Variants in OXCT1 observed in about 807,000 individuals in gnomAD.
OXCT1 encodes the protein 3-oxoacid CoA-transferase 1, also known as succinyl-CoA:3-ketoacid coenzyme A transferase 1, mitochondrial.
Under a neutral mutation model 69.6 loss-of-function variants are expected in OXCT1, and 27 were observed. The observed-to-expected ratio is 0.39, with a 90% CI of 0.29 to 0.54. The LOEUF (loss-of-function observed/expected upper bound fraction) is 0.54, where lower values mean the gene tolerates loss of function less well. OXCT1 is among the 20% of genes least tolerant of loss of function. The pLI, the probability that OXCT1 is intolerant of heterozygous loss-of-function variation, is 0.72. For missense variants in OXCT1, 437 were observed against 650.2 expected (o/e 0.67, Z 3.57); for synonymous variants, 202 against 217.8 (o/e 0.93, Z 0.64).
At chr5:41,799,447 A>G (rs1313401057) in intron 11 of OXCT1, among the ~76,000 whole-genome samples, 1 of 152,226 alleles carries the variant, frequency 6.6e-6, no homozygotes, top group African/African-American at 2.4e-5. Flanking sequence ...GTGGCACTTC[A>G]AGTGTTGAAG....
chr5:41,812,771 T>G (rs1747047662), intron 7 of OXCT1, among the ~76,000 whole-genome samples: 1 of 151,938 alleles, frequency 6.6e-6, no homozygotes, highest in Non-Finnish European at 1.5e-5. Context: ...TATGAAGAAA[T>G]TCAATTCCAA....
At chr5:41,847,151 C>G (rs936412624) in intron 5 of OXCT1, among the ~76,000 whole-genome samples, 24 of 151,942 alleles carry the variant, frequency 1.6e-4, no homozygotes, top group East Asian at 1.4e-3. Flanking sequence ...ACTACAAACA[C>G]CTCTACGCAA....
chr5:41,758,124 A>G (rs1363105718), intron 14 of OXCT1, among the ~76,000 whole-genome samples: 1 of 152,036 alleles, frequency 6.6e-6, no homozygotes, highest in Non-Finnish European at 1.5e-5. Context: ...GGAGCAGACT[A>G]CAAGAGTCAC....
chr5:41,859,861 A>AGTTATATATATATATATATATATATAT (rs1749632696), intron 3 of OXCT1, among the ~76,000 whole-genome samples: 2 of 96,764 alleles, frequency 2.1e-5, no homozygotes, highest in African/African-American at 7.7e-5. Context: ...TGACTAGTAT[A>AGTTATATATATATATATATATATATAT]GTAATATATA....
intron 13 of OXCT1, among the ~76,000 whole-genome samples, chr5:41,778,741 A>G (rs1745248368): frequency 6.6e-6 from 1 of 152,228 alleles, no homozygotes; most frequent in Admixed American, 6.5e-5. Context: ...TCAATGTATC[A>G]TTTCTGCAAG....
At chr5:41,856,181 C>G (rs1436683879) in intron 3 of OXCT1, among the ~76,000 whole-genome samples, 2 of 152,146 alleles carry the variant, frequency 1.3e-5, no homozygotes, top group South Asian at 4.2e-4. Flanking sequence ...TGAAGAGGCT[C>G]GAAGTAGTCC....
At chr5:41,805,731 T>C in intron 8 of OXCT1, 50 bp from the exon 9 acceptor site, 1 of 1,180,306 alleles carries the variant, frequency 8.5e-7, no homozygotes, top group Non-Finnish European at 1.3e-6. Flanking sequence ...ATGCTTTGTA[T>C]TTTATCACTG....
intron 2 of OXCT1, among the ~76,000 whole-genome samples, chr5:41,862,268 C>T (rs943171748): frequency 7.9e-5 from 12 of 152,072 alleles, no homozygotes; most frequent in African/African-American, 2.7e-4. Context: ...TACATGTCTA[C>T]GGGGTCTCTG....
chr5:41,767,037 C>T (rs1237716445), intron 13 of OXCT1, among the ~76,000 whole-genome samples: 1 of 152,016 alleles, frequency 6.6e-6, no homozygotes, highest in Non-Finnish European at 1.5e-5. Context: ...TTAAAAAATG[C>T]TCTAGAAAAG....
intron 7 of OXCT1, among the ~76,000 whole-genome samples, chr5:41,832,762 A>G (rs180940481): frequency 6.6e-6 from 1 of 152,318 alleles, no homozygotes; most frequent in East Asian, 1.9e-4. Flanking sequence ...AAGAAATCCA[A>G]GATAACAAAG....
chr5:41,840,376 T>C (rs1748567690), intron 7 of OXCT1, 75 bp downstream of exon 7: 1 of 1,076,958 alleles, frequency 9.3e-7, no homozygotes, highest in Admixed American at 1.7e-5. Context: ...AAATGAACTG[T>C]GGTACTTTTT....
At chr5:41,815,783 A>C (rs769725422) in intron 7 of OXCT1, among the ~76,000 whole-genome samples, 10 of 152,224 alleles carry the variant, frequency 6.6e-5, no homozygotes, top group Non-Finnish European at 1.3e-4. Context: ...AGAATTAAAC[A>C]AGGAACATTT....
At chr5:41,844,013 T>G (rs756062031) in intron 5 of OXCT1, among the ~76,000 whole-genome samples, 3 of 152,206 alleles carry the variant, frequency 2.0e-5, no homozygotes, top group African/African-American at 7.2e-5. Context: ...ACAATGATAG[T>G]TGAGTGTTTT....
At chr5:41,840,344 C>A in intron 7 of OXCT1, 107 bp downstream of exon 7, 1 of 835,820 alleles carries the variant, frequency 1.2e-6, no homozygotes, top group Non-Finnish European at 2.0e-6. Context: ...AAAAAAAAAG[C>A]TGTCATTGTT....
chr5:41,844,819 A>G (rs1232017403), intron 5 of OXCT1, among the ~76,000 whole-genome samples: 2 of 151,576 alleles, frequency 1.3e-5, no homozygotes, highest in African/African-American at 4.9e-5. Context: ...CATAACACCA[A>G]TTTCAACCAC....
intron 7 of OXCT1, 96 bp downstream of exon 7, chr5:41,840,355 A>T: frequency 2.2e-6 from 2 of 901,252 alleles, no homozygotes; most frequent in Non-Finnish European, 1.8e-6. Flanking sequence ...TGTCATTGTT[A>T]TCCATAAAAC....
intron 3 of OXCT1, among the ~76,000 whole-genome samples, chr5:41,854,529 A>G (rs1350214701): frequency 6.6e-6 from 1 of 152,180 alleles, no homozygotes; most frequent in African/African-American, 2.4e-5. Context: ...AACCAACTAG[A>G]GAAATAAAAC....
intron 8 of OXCT1, 60 bp from the exon 9 acceptor site, chr5:41,805,741 G>T: frequency 9.0e-7 from 1 of 1,109,588 alleles, no homozygotes; most frequent in Non-Finnish European, 1.4e-6. Context: ...TTTTATCACT[G>T]CTGAAATAAA....
At chr5:41,858,438 A>C (rs1749555085) in intron 3 of OXCT1, among the ~76,000 whole-genome samples, 1 of 152,186 alleles carries the variant, frequency 6.6e-6, no homozygotes, top group African/African-American at 2.4e-5. Flanking sequence ...TTTAATACTA[A>C]AGACAATGCT....
Sources: allele counts gnomAD v4.1 joint callset (sites outside exome capture counted in the v4.1 genomes callset), GRCh38; gene constraint gnomAD v4.1.1; transcripts MANE v1.5; gene names NCBI Gene and HGNC (gene_info 2026-07-23, HGNC 2026-07-21).